EPM2A: variants seen among roughly 807,000 people sequenced by gnomAD.
EPM2A encodes the protein laforin.
EPM2A carries 21 observed loss-of-function variants against 26.5 expected under a neutral mutation model. The ratio of observed to expected loss-of-function variants is 0.79; its 90% CI spans 0.56 to 1.14. The LOEUF is 1.14. Among genes scored for constraint, EPM2A ranks in the 50% most tolerant of loss-of-function variants. The pLI is 0.00. For synonymous variants in EPM2A, 217 were observed against 177.6 expected, an observed-to-expected ratio of 1.22 and a Z score of -1.76; for missense variants, 458 against 440.8, an observed-to-expected ratio of 1.04 and a Z score of -0.35.
At chr6:145,602,835 ATACCT>A (rs1383244039) in intron 2 of EPM2A, among the ~76,000 whole-genome samples, 1 of 152,228 alleles carries the variant, frequency 6.6e-6, no homozygotes, top group Non-Finnish European at 1.5e-5. Context: ...TGAGATTGGA[ATACCT>A]TACTTTTCCA....
chr6:145,394,316 TGTCA>T (rs1376511637), intron 4 of EPM2A, among the ~76,000 whole-genome samples: 1 of 152,096 alleles, frequency 6.6e-6, no homozygotes, highest in East Asian at 1.9e-4. Context: ...GTCTTTCCCA[TGTCA>T]GTCATTAGCT....
chr6:145,442,241 G>A (rs970151380), intron 4 of EPM2A, among the ~76,000 whole-genome samples: 2 of 152,126 alleles, frequency 1.3e-5, no homozygotes, highest in Non-Finnish European at 2.9e-5. Flanking sequence ...ACCTCTGTCT[G>A]TTACCCAGTT....
intron 1 of EPM2A, among the ~76,000 whole-genome samples, chr6:145,731,928 CA>C (rs1300373170): frequency 2.0e-5 from 3 of 152,090 alleles, no homozygotes; most frequent in Non-Finnish European, 2.9e-5. Flanking sequence ...TGATAATTAT[CA>C]GCTAGAAATT....
intron 2 of EPM2A, among the ~76,000 whole-genome samples, chr6:145,579,422 CT>C (rs1428333054): frequency 1.3e-5 from 2 of 152,144 alleles, no homozygotes; most frequent in African/African-American, 2.4e-5. Context: ...AGAATTGCCC[CT>C]GATATCATTA....
chr6:145,426,784 G>A (rs1365561260), intron 4 of EPM2A, among the ~76,000 whole-genome samples: 1 of 151,996 alleles, frequency 6.6e-6, no homozygotes, highest in Non-Finnish European at 1.5e-5. Flanking sequence ...CCATTTTTAA[G>A]GTACACTTGT....
At chr6:145,403,357 T>C (rs1396782186) in intron 4 of EPM2A, among the ~76,000 whole-genome samples, 1 of 151,412 alleles carries the variant, frequency 6.6e-6, no homozygotes, top group Non-Finnish European at 1.5e-5. Flanking sequence ...CTATTTTTTG[T>C]ACCCACTATC....
intron 2 of EPM2A, among the ~76,000 whole-genome samples, chr6:145,565,111 C>G (rs1277855648): frequency 6.6e-6 from 1 of 152,176 alleles, no homozygotes; most frequent in African/African-American, 2.4e-5. Flanking sequence ...TTGTCTGCAG[C>G]CTTCCATCTG....
chr6:145,509,351 A>T (rs1032118215), intron 2 of EPM2A, among the ~76,000 whole-genome samples: 1 of 152,160 alleles, frequency 6.6e-6, no homozygotes, highest in African/African-American at 2.4e-5. Context: ...AAATGGCCAT[A>T]TTATCCTTAA....
At chr6:145,479,034 T>C (rs867302476) in intron 4 of EPM2A, among the ~76,000 whole-genome samples, 3 of 151,330 alleles carry the variant, frequency 2.0e-5, no homozygotes, top group Non-Finnish European at 4.4e-5. Context: ...TTTTAAAATA[T>C]TTTTTAAAAG....
intron 4 of EPM2A, among the ~76,000 whole-genome samples, chr6:145,409,612 A>C (rs1303653138): frequency 6.6e-6 from 1 of 152,166 alleles, no homozygotes; most frequent in Non-Finnish European, 1.5e-5. Context: ...CATCACCCTA[A>C]AGCTTAGTGG....
Position 145,426,076 on chromosome 6 carries a change from A to G in EPM2A, c.556-41979T>C, listed in dbSNP as rs376462421. On this transcript the variant is annotated intron_variant, in intron 4 of 4. Coordinates refer to the EPM2A transcript ENST00000638717. ...AAAAATATAGCAATATTTAAGTGCT[A>G]TAAGTTATTTCCAAGCAGTTTCCAT... Among the ~76,000 whole-genome samples, 36 of 152,360 alleles carry G rather than the reference A, an allele frequency of 2.4e-4. 1 individual carries two copies. The South Asian group carries it at 6.2e-3, about 26-fold the overall frequency.
chr6:145,543,477 A>G (rs1167480087), intron 2 of EPM2A, among the ~76,000 whole-genome samples: 1 of 152,214 alleles, frequency 6.6e-6, no homozygotes, highest in Admixed American at 6.5e-5. Context: ...GCTCAGAAAC[A>G]TTAAACGACT....
intron 2 of EPM2A, among the ~76,000 whole-genome samples, chr6:145,593,739 A>T (rs1397773303): frequency 6.6e-6 from 1 of 152,036 alleles, no homozygotes; most frequent in Non-Finnish European, 1.5e-5. Flanking sequence ...AAAACTTATC[A>T]AAATCTACAG....
Position 145,627,587 on chromosome 6 carries a change from C to T in EPM2A, c.825G>A (p.Ala275=), listed in dbSNP as rs762115387. ...CATACTGGAGCCAGCCGCAGACAGC[C>T]GCGGTGGAGCGGCCCACCCCAGCGT... ...HCNAGVGRST[A]AVCGWLQYVM... is the part of the protein sequence containing the mutation. The change falls in exon 4 of 4, where the codon GCG becomes GCA. Residue 275 remains alanine, a synonymous_variant. Transcript: ENST00000367519. 45 of 1,614,138 alleles carry T rather than the reference C, an allele frequency of 2.8e-5. No homozygotes were observed. The highest frequency in any genetic ancestry group is 3.6e-5 in the Non-Finnish European group (43 of 1,180,052).
At chr6:145,664,782 A>G (rs931942044) in intron 2 of EPM2A, among the ~76,000 whole-genome samples, 1 of 151,682 alleles carries the variant, frequency 6.6e-6, no homozygotes, top group African/African-American at 2.4e-5. Flanking sequence ...TCCTCAGCAA[A>G]TGTAAAAGAA....
intron 4 of EPM2A, among the ~76,000 whole-genome samples, chr6:145,482,810 A>T (rs1779626165): frequency 6.6e-6 from 1 of 151,944 alleles, no homozygotes; most frequent in Non-Finnish European, 1.5e-5. Context: ...TTTGTCACTC[A>T]GCCATACTCT....
intron 4 of EPM2A, among the ~76,000 whole-genome samples, chr6:145,455,654 G>A (rs1779254504): frequency 6.6e-6 from 1 of 152,076 alleles, no homozygotes; most frequent in Admixed American, 6.6e-5. Flanking sequence ...ACCGCATCCG[G>A]CAATAACTAA....
At chr6:145,522,904 T>C (rs566185968) in intron 2 of EPM2A, among the ~76,000 whole-genome samples, 1 of 152,260 alleles carries the variant, frequency 6.6e-6, no homozygotes, top group East Asian at 1.9e-4. Flanking sequence ...CTTCCAAGAA[T>C]GCTCATCCTA....
At chr6:145,612,234 T>G (rs534849600) in intron 2 of EPM2A, among the ~76,000 whole-genome samples, 1 of 152,216 alleles carries the variant, frequency 6.6e-6, no homozygotes, top group Non-Finnish European at 1.5e-5. Context: ...TATATCTCTG[T>G]TTTTAAAGAA....
Sources: allele counts gnomAD v4.1 joint callset (sites outside exome capture counted in the v4.1 genomes callset), GRCh38; gene constraint gnomAD v4.1.1; transcripts MANE v1.5; gene names NCBI Gene and HGNC (gene_info 2026-07-23, HGNC 2026-07-21).